Variants in RAB3B observed in about 807,000 individuals in gnomAD.
The protein encoded by RAB3B is RAB3B, member RAS oncogene family.
In RAB3B, 11 loss-of-function variants were observed where a neutral mutation model predicts 20.5. The observed-to-expected ratio is 0.54, with a 90% confidence interval of 0.34 to 0.89. RAB3B has a LOEUF of 0.89. Ranked by LOEUF, RAB3B falls within the 40% of genes least tolerant of loss-of-function variation. The pLI is 0.02. For missense variants in RAB3B, 225 were observed against 280.9 expected, an observed-to-expected ratio of 0.80 and a Z score of 1.42; for synonymous variants, 99 against 106.3, an observed-to-expected ratio of 0.93 and a Z score of 0.42.
Position 51,912,091 on chromosome 1 carries a change from C to T in RAB3B, c.*7836G>A, listed in dbSNP as rs1316256920. The T allele has an allele frequency of 6.7e-6, 1 of 149,862 alleles. No homozygotes were observed. The highest frequency in any genetic ancestry group is 1.5e-5 in the Non-Finnish European group (1 of 67,466). 9.3% of individuals were successfully genotyped at this position (149,862 alleles called of 1,614,324 possible). ...TCTCTGAATTCTCTTCATTTCTTTC[C>T]TTTTCTTCTTTTTTTTCTTTCTTTC... is the stretch of plus-strand genomic sequence containing the variant. On this transcript the variant is annotated 3_prime_UTR_variant, in exon 5 of 5. Transcript: ENST00000371655.
At position 51,983,288 on chromosome 1, in the gene RAB3B, T is replaced by C. The variant is rs559041184; in HGVS notation, c.1-6171A>G. 6.2e-4 allele frequency among the ~76,000 whole-genome samples: 94 copies of C among 152,168 alleles called. 1 individual carries two copies. Among genetic ancestry groups the C allele is most frequent in the African/African-American group, 2.1e-3 (89 of 41,512 alleles). On this transcript the variant is annotated intron_variant, in intron 1 of 4. Coordinates refer to ENST00000371655, the MANE Select transcript of RAB3B (RefSeq NM_002867.4). ...AGTGAGCTGAGATTGCACCACTGCA[T>C]TCCAGCTTGGGTGATAGAGCCAGAC...
chr1:51,975,643 A>C (rs1488352129), intron 2 of RAB3B, among the ~76,000 whole-genome samples: 2 of 152,228 alleles, frequency 1.3e-5, no homozygotes, highest in Non-Finnish European at 2.9e-5. Flanking sequence ...AATGGGAACG[A>C]AGTAAGGCCT....
rs1685116845 is a variant in RAB3B, at chr1:51,983,774, AC to A, written c.1-6658del. On this transcript the variant is annotated intron_variant, in intron 1 of 4. Coordinates refer to ENST00000371655, the MANE Select transcript of RAB3B (RefSeq NM_002867.4). ...CAGGAGTTTAAGATCAGCCTGGCCA[AC>A]ATGGTGAAATCCAGTCTCTACTAAA... Among the ~76,000 whole-genome samples the A allele has an allele frequency of 1.4e-5, 2 of 142,666 alleles. 1 individual carries two copies. Among genetic ancestry groups the A allele is most frequent in the Non-Finnish European group, 3.2e-5 (2 of 62,952 alleles). The allele number at this position is 142,666 out of a possible 152,430, so 93.6% of individuals were successfully genotyped here.
chr1:51,976,791 T>C, intron 2 of RAB3B, 99 bp downstream of exon 2: 1 of 1,040,500 alleles, frequency 9.6e-7, no homozygotes, highest in Non-Finnish European at 1.4e-6. Context: ...CCTGATGCTG[T>C]AAGGCCCAGA....
chr1:51,932,312 T>C (rs952131464), intron 4 of RAB3B, among the ~76,000 whole-genome samples: 4 of 152,192 alleles, frequency 2.6e-5, no homozygotes, highest in African/African-American at 9.7e-5. Flanking sequence ...TTAGGGAGAC[T>C]GTCTAAAAGC....
At chr1:51,945,408 C>T (rs961033919) in intron 2 of RAB3B, among the ~76,000 whole-genome samples, 3 of 152,274 alleles carry the variant, frequency 2.0e-5, no homozygotes, top group Admixed American at 2.0e-4. Flanking sequence ...TAGACTACTA[C>T]AGTATAAACG....
chr1:51,926,436 G>A (rs1422068999), intron 4 of RAB3B, among the ~76,000 whole-genome samples: 1 of 152,184 alleles, frequency 6.6e-6, no homozygotes, highest in African/African-American at 2.4e-5. Context: ...ACTTGCTTTG[G>A]CCAATGGATG....
chr1:51,927,703 T>C (rs2124241223), intron 4 of RAB3B, among the ~76,000 whole-genome samples: 1 of 152,322 alleles, frequency 6.6e-6, no homozygotes, highest in African/African-American at 2.4e-5. Flanking sequence ...ATCAGGAGAC[T>C]GAGGCAGGAA....
At chr1:51,973,591 T>G (rs1684965802) in intron 2 of RAB3B, 1 of 152,172 alleles carries the variant, frequency 6.6e-6, no homozygotes. Flanking sequence ...AAAACACCAG[T>G]TCAGCCATTT....
chr1:51,921,882 C>A lies in RAB3B; in HGVS notation c.473-1768G>T, dbSNP rs1196733918. Among the ~76,000 whole-genome samples the A allele has an allele frequency of 2.0e-5, 3 of 152,330 alleles. No homozygotes were observed. The East Asian group carries it at 5.8e-4, about 29-fold the overall frequency. On this transcript the variant is annotated intron_variant, in intron 4 of 4. Transcript: ENST00000371655. ...ATCTCTTTCCCCCCTCCCTCTTTCT[C>A]CCTATTATTCCACCATCCATAGAGA...
Position 51,937,295 on chromosome 1 carries a change from A to C in RAB3B, c.346T>G (p.Trp116Gly). ...AATGAATGAATATGGGTCTCATACC[A>C]GTCTTGGACAGCATTGAAGGACTCT... ...NEESFNAVQD[W>G]ATQIKTYSWD... Residue 116 changes from tryptophan to glycine, a missense_variant and splice_region_variant, in exon 3 of 5, where the codon TGG becomes GGG. Physicochemically the swap from Trp to Gly is radical, Grantham distance 184. Coordinates refer to ENST00000371655, the MANE Select transcript of RAB3B (RefSeq NM_002867.4). 1.3e-6 allele frequency: 2 copies of C among 1,592,040 alleles called. No homozygotes were observed. The highest frequency in any genetic ancestry group is 1.3e-5 in the African/African-American group (1 of 74,410).
At chr1:51,986,685 A>G (rs1685155972) in intron 1 of RAB3B, among the ~76,000 whole-genome samples, 1 of 152,160 alleles carries the variant, frequency 6.6e-6, no homozygotes, top group African/African-American at 2.4e-5. Context: ...TACTTGCCAT[A>G]CCACACTGTT....
At position 51,919,412 on chromosome 1, in the gene RAB3B, G is replaced by C. The variant is rs1684137011; in HGVS notation, c.*515C>G. 1 of 152,670 alleles carries C rather than the reference G, an allele frequency of 6.6e-6. No individual in the cohort carries two copies. The allele number at this position is 152,670 out of a possible 1,614,324, so 9.5% of individuals were successfully genotyped here. ...TGCCCAGGCCCTGTGGGCATCCGTGGTAACAGGCGCAGGGCTTTGAGAGCC... is the reference window on the plus strand; with the variant it reads ...TGCCCAGGCCCTGTGGGCATCCGTGCTAACAGGCGCAGGGCTTTGAGAGCC... On this transcript the variant is annotated 3_prime_UTR_variant, in exon 5 of 5. Transcript: ENST00000371655.
rs994177554 is a variant in RAB3B at position 51,911,930 on chromosome 1, A to C, written c.*7997T>G. The C allele has an allele frequency of 3.3e-5, 5 of 150,950 alleles. No homozygotes were observed. The highest frequency in any genetic ancestry group is 5.9e-5 in the Non-Finnish European group (4 of 67,946). The allele number at this position is 150,950 out of a possible 1,614,324, so 9.4% of individuals were successfully genotyped here. A position where few individuals can be genotyped will look rare whatever the true frequency, so the allele number is the denominator to read the frequency against. On this transcript the variant is annotated 3_prime_UTR_variant, in exon 5 of 5. Transcript: ENST00000371655. ...TAGTACTACTAAAGAAGAGATTACT[A>C]TTTCTGGAAGAAACAAGGAGAGAGG...
At chr1:51,927,863 G>A (rs1288128826) in intron 4 of RAB3B, among the ~76,000 whole-genome samples, 9 of 152,094 alleles carry the variant, frequency 5.9e-5, no homozygotes, top group Non-Finnish European at 1.0e-4. Flanking sequence ...GTAGGCAGAA[G>A]CATATTTCCC....
At position 51,908,436 on chromosome 1, in the gene RAB3B, T is replaced by A. The variant is rs1257220656; in HGVS notation, c.*11491A>T. 1 of 151,964 alleles carries A rather than the reference T, an allele frequency of 6.6e-6. No individual in the cohort carries two copies. Among genetic ancestry groups the A allele is most frequent in the Non-Finnish European group, 1.5e-5 (1 of 67,986 alleles). The allele number at this position is 151,964 out of a possible 1,614,324, so 9.4% of individuals were successfully genotyped here. A position where few individuals can be genotyped will look rare whatever the true frequency, so the allele number is the denominator to read the frequency against. ...AATTAGAAAGAGCAGTTGGGGGAAT[T>A]GAATATGATATGCAAATTGCATAAG... On this transcript the variant is annotated 3_prime_UTR_variant, in exon 5 of 5. Coordinates refer to ENST00000371655, the MANE Select transcript of RAB3B (RefSeq NM_002867.4).
chr1:51,970,841 T>C (rs1419007628), intron 2 of RAB3B, among the ~76,000 whole-genome samples: 1 of 147,930 alleles, frequency 6.8e-6, no homozygotes, highest in Admixed American at 6.7e-5. Flanking sequence ...CCGTCTCTAC[T>C]AAAAATACAA....
intron 2 of RAB3B, among the ~76,000 whole-genome samples, chr1:51,976,307 A>G (rs1422781522): frequency 6.6e-6 from 1 of 152,076 alleles, no homozygotes; most frequent in Admixed American, 6.6e-5. Context: ...TGGGGACTAC[A>G]GGAGCCCACC....
chr1:51,940,511 T>C (rs1349395308), intron 2 of RAB3B, among the ~76,000 whole-genome samples: 1 of 151,810 alleles, frequency 6.6e-6, no homozygotes, highest in Non-Finnish European at 1.5e-5. Context: ...TAATCCCAGC[T>C]ACTTGGGAGG....
Sources: allele counts gnomAD v4.1 joint callset (sites outside exome capture counted in the v4.1 genomes callset), GRCh38; gene constraint gnomAD v4.1.1; transcripts MANE v1.5; gene names NCBI Gene and HGNC (gene_info 2026-07-23, HGNC 2026-07-21).